The following PTPRO variants were observed in gnomAD, a reference collection of about 807,000 sequenced individuals.
PTPRO encodes receptor-type tyrosine-protein phosphatase O.
In PTPRO, 62 loss-of-function variants were observed where a neutral mutation model predicts 145.2. The observed-to-expected ratio is 0.43, with a 90% confidence interval of 0.35 to 0.53. The LOEUF is 0.53. Among genes scored for constraint, PTPRO ranks in the 20% least tolerant of loss-of-function variants. PTPRO has a pLI of 0.01. For synonymous variants in PTPRO, 565 were observed against 514.7 expected, an observed-to-expected ratio of 1.10 and a Z score of -1.32; for missense variants, 1,345 against 1,482.7, an observed-to-expected ratio of 0.91 and a Z score of 1.53.
Position 15,322,521 on chromosome 12 carries a change from C to T in PTPRO, c.-206C>T. 1 of 632,806 alleles carries T rather than the reference C, an allele frequency of 1.6e-6. No individual in the cohort carries two copies. Among genetic ancestry groups the T allele is most frequent in the African/African-American group, 1.8e-5 (1 of 54,470 alleles). The allele number at this position is 632,806 out of a possible 1,614,324, so 39.2% of individuals were successfully genotyped here. On this transcript the variant is annotated 5_prime_UTR_variant, in exon 1 of 27. Transcript: ENST00000281171. The surrounding 1 kb of genome is among the most constrained non-coding windows in gnomAD (Gnocchi z 6.3). ...CTCTCCATCCTTAGTCATTAAAGAA[C>T]AGCAGCGCCTGGCACGTTCTTGGAG...
intron 1 of PTPRO, among the ~76,000 whole-genome samples, chr12:15,370,691 T>TA (rs1399167515): frequency 1.3e-5 from 2 of 151,976 alleles, no homozygotes; most frequent in East Asian, 1.9e-4. Context: ...AATATTTCAA[T>TA]AAAAAAACAC....
intron 1 of PTPRO, among the ~76,000 whole-genome samples, chr12:15,368,845 T>A (rs530698468): frequency 6.6e-6 from 1 of 152,338 alleles, no homozygotes; most frequent in Admixed American, 6.5e-5. Context: ...CCTGTTATAT[T>A]TTTAAGATGA....
At chr12:15,372,389 A>G (rs924855712) in intron 1 of PTPRO, among the ~76,000 whole-genome samples, 2 of 152,162 alleles carry the variant, frequency 1.3e-5, no homozygotes, top group African/African-American at 4.8e-5. Flanking sequence ...CCTTTCATCA[A>G]AAAGATCCCT....
At chr12:15,517,754 C>T (rs774862967) in intron 9 of PTPRO, among the ~76,000 whole-genome samples, 32 of 152,198 alleles carry the variant, frequency 2.1e-4, no homozygotes, top group Non-Finnish European at 4.4e-4. Context: ...CCTTTGACTC[C>T]GTGTCTCACA....
chr12:15,429,518 T>A (rs1940376017), intron 1 of PTPRO, among the ~76,000 whole-genome samples: 1 of 152,068 alleles, frequency 6.6e-6, no homozygotes. Flanking sequence ...AGGCAGCATA[T>A]GCACAAATGT....
intron 19 of PTPRO, among the ~76,000 whole-genome samples, chr12:15,574,490 C>T (rs1001057398): frequency 6.6e-6 from 1 of 152,176 alleles, no homozygotes; most frequent in Non-Finnish European, 1.5e-5. Flanking sequence ...AGACATGTGG[C>T]TGCAAAGATC....
At chr12:15,520,031 C>T (rs368713586) in intron 9 of PTPRO, among the ~76,000 whole-genome samples, 170 bp from the exon 10 acceptor site, 2 of 152,050 alleles carry the variant, frequency 1.3e-5, no homozygotes, top group East Asian at 3.9e-4. Context: ...TACTTTATGT[C>T]TCATTTCATT....
At position 15,598,300 on chromosome 12, in the gene PTPRO, G is replaced by C. The variant is rs1944698205; in HGVS notation, c.*2227G>C. 1.3e-5 allele frequency among the ~76,000 whole-genome samples: 2 copies of C among 152,016 alleles called. No homozygotes were observed. Among genetic ancestry groups the C allele is most frequent in the Non-Finnish European group, 2.9e-5 (2 of 67,988 alleles). Reference sequence around the variant, plus strand: ...AATGACTTTGGAATTATCTCTCCTGGGTCTCAGTTAATAAACTGAAGAATG... The same window carrying C: ...AATGACTTTGGAATTATCTCTCCTGCGTCTCAGTTAATAAACTGAAGAATG... On this transcript the variant is annotated 3_prime_UTR_variant, in exon 27 of 27. Transcript: ENST00000281171.
At chr12:15,522,829 A>C (rs1942754019) in intron 10 of PTPRO, among the ~76,000 whole-genome samples, 5 of 152,222 alleles carry the variant, frequency 3.3e-5, no homozygotes, top group Admixed American at 3.3e-4. Context: ...CATGGAAATA[A>C]AAATCTGACA....
At chr12:15,335,127 G>A (rs1866718880) in intron 1 of PTPRO, among the ~76,000 whole-genome samples, 1 of 152,020 alleles carries the variant, frequency 6.6e-6, no homozygotes, top group Admixed American at 6.5e-5. Flanking sequence ...TTGAAGTGTT[G>A]TTACTGCCAA....
intron 1 of PTPRO, among the ~76,000 whole-genome samples, chr12:15,435,697 G>T (rs935509107): frequency 1.8e-4 from 28 of 151,758 alleles, no homozygotes; most frequent in Admixed American, 1.6e-3. Context: ...AGAAATGTTG[G>T]TCCATAGTAA....
intron 15 of PTPRO, among the ~76,000 whole-genome samples, chr12:15,555,656 G>T (rs1320132009): frequency 6.6e-6 from 1 of 152,110 alleles, no homozygotes; most frequent in Non-Finnish European, 1.5e-5. Context: ...ATTTTTTGTG[G>T]TACATACCAA....
chr12:15,503,333 C>T (rs1048364997), intron 5 of PTPRO, among the ~76,000 whole-genome samples: 6 of 151,856 alleles, frequency 4.0e-5, no homozygotes, highest in African/African-American at 9.7e-5. Context: ...GACTGTGAAG[C>T]AATGTGAAAT....
intron 26 of PTPRO, 24 bp from the exon 27 acceptor site, chr12:15,596,066 T>C (rs1370382893): frequency 1.3e-5 from 2 of 152,188 alleles, no homozygotes; most frequent in Admixed American, 6.5e-5. Context: ...GGCTGCTTAC[T>C]GTCTTTCTTT....
chr12:15,390,486 A>T (rs2008652), intron 1 of PTPRO, among the ~76,000 whole-genome samples: 25,774 of 152,034 alleles, frequency 0.17, 2,417 homozygotes, highest in South Asian at 0.22. Context: ...CTTATTCACT[A>T]TCACGAGAAT....
intron 1 of PTPRO, among the ~76,000 whole-genome samples, chr12:15,395,630 T>G (rs1939316061): frequency 6.6e-6 from 1 of 152,190 alleles, no homozygotes; most frequent in South Asian, 2.1e-4. Flanking sequence ...TGGCTTAATG[T>G]AGTAAATTTT....
In PTPRO at chr12:15,420,257, T is replaced by C. The variant is rs562471056; in HGVS notation, c.76-63717T>C. Among the ~76,000 whole-genome samples, 18 of 151,688 alleles carry C rather than the reference T, an allele frequency of 1.2e-4. No individual in the cohort carries two copies. The East Asian group carries it at 3.3e-3, about 28-fold the overall frequency. Reference sequence around the variant, plus strand: ...CTGCTACTGCCTCTTTCATAACTTATGGGGCAGAGCCCTAATTCCTTAGCA... The same window carrying C: ...CTGCTACTGCCTCTTTCATAACTTACGGGGCAGAGCCCTAATTCCTTAGCA... On this transcript the variant is annotated intron_variant, in intron 1 of 26. Coordinates refer to ENST00000281171, the MANE Select transcript of PTPRO (RefSeq NM_030667.3).
intron 10 of PTPRO, among the ~76,000 whole-genome samples, chr12:15,523,500 C>T (rs1367434376): frequency 2.0e-5 from 3 of 152,020 alleles, no homozygotes; most frequent in East Asian, 1.9e-4. Context: ...TTTGGCTGGG[C>T]GTGGAAGCTC....
At chr12:15,358,710 T>G (rs1253920411) in intron 1 of PTPRO, among the ~76,000 whole-genome samples, 1 of 152,252 alleles carries the variant, frequency 6.6e-6, no homozygotes, top group Non-Finnish European at 1.5e-5. Flanking sequence ...TGATATTGTA[T>G]GCTCTGTGCC....
Sources: gnomAD v4.1 joint callset for allele counts (sites outside exome capture counted in the v4.1 genomes callset) on GRCh38, gnomAD v4.1.1 for gene constraint, Gnocchi (gnomAD v3.1) non-coding constraint, MANE v1.5 for transcripts, NCBI Gene and HGNC (gene_info 2026-07-23, HGNC 2026-07-21) for gene names.